Variants in BORA observed in about 807,000 individuals in gnomAD.
BORA encodes BORA aurora kinase A activator, also known as protein aurora borealis.
BORA carries 26 observed loss-of-function variants against 55.8 expected under a neutral mutation model. The ratio of observed to expected loss-of-function variants is 0.47; its 90% CI spans 0.34 to 0.65. The LOEUF (loss-of-function observed/expected upper bound fraction) is 0.65. BORA is among the 30% of genes least tolerant of loss of function. BORA has a pLI of 0.01. For missense variants in BORA, 568 were observed against 671.5 expected (o/e 0.85, Z 1.70); for synonymous variants, 201 against 216.9 (o/e 0.93, Z 0.64).
At chr13:72,738,667 A>G (rs2032980229) in intron 5 of BORA, among the ~76,000 whole-genome samples, 1 of 152,168 alleles carries the variant, frequency 6.6e-6, no homozygotes. Flanking sequence ...TACACTGTCT[A>G]TTGTAGTATA....
rs142621054 is a variant in BORA, at chr13:72,736,111, GCA to G, written c.306+1109_306+1110del. On this transcript the variant is annotated intron_variant, in intron 4 of 11. Coordinates refer to ENST00000390667, the MANE Select transcript of BORA (RefSeq NM_024808.5). ...CTACTTCTTCTTCTATCTAGTAACT[GCA>G]CAGTTTTCATTCTGACTCAGTCACT... 8.7e-3 allele frequency among the ~76,000 whole-genome samples: 1,327 copies of G among 151,888 alleles called. 13 individuals are homozygous for G. Among genetic ancestry groups the G allele is most frequent in the Non-Finnish European group, 0.014 (924 of 67,976 alleles).
intron 2 of BORA, among the ~76,000 whole-genome samples, chr13:72,729,834 G>A (rs1394369717): frequency 6.6e-6 from 1 of 152,140 alleles, no homozygotes; most frequent in Non-Finnish European, 1.5e-5. Flanking sequence ...CTATTTTAAT[G>A]TGTTAAACAG....
intron 6 of BORA, 57 bp from the exon 7 acceptor site, chr13:72,744,448 A>G: frequency 7.0e-7 from 1 of 1,421,752 alleles, no homozygotes. Context: ...TGTATAGTGT[A>G]TACTTTCATT....
chr13:72,756,180 A>ATTCAT lies in BORA; in HGVS notation c.*964_*965insTTCAT. On this transcript the variant is annotated 3_prime_UTR_variant, in exon 12 of 12. Transcript: ENST00000390667. ...AAACTGTCTCATTCAAAAGGGAATA[A>ATTCAT]AGACCTGTGTTATCAATGTGTCATT... The ATTCAT allele has an allele frequency of 5.5e-6, 2 of 366,076 alleles. No homozygotes were observed. The highest frequency in any genetic ancestry group is 9.7e-6 in the Non-Finnish European group (2 of 206,710). The allele number at this position is 366,076 out of a possible 1,614,324, so 22.7% of individuals were successfully genotyped here. A position where few individuals can be genotyped will look rare whatever the true frequency, so the allele number is the denominator to read the frequency against.
chr13:72,755,373 A>G lies in BORA; in HGVS notation c.*157A>G. On this transcript the variant is annotated 3_prime_UTR_variant, in exon 12 of 12. Coordinates refer to ENST00000390667, the MANE Select transcript of BORA (RefSeq NM_024808.5). ...AAAATCAAGGGCTTACTGACATAGGAACAACAGAAATGCTCCTGGAACTTC... is the reference window on the plus strand; with the variant it reads ...AAAATCAAGGGCTTACTGACATAGGGACAACAGAAATGCTCCTGGAACTTC... 12 of 561,692 alleles carry G rather than the reference A, an allele frequency of 2.1e-5. No homozygotes were observed. The highest frequency in any genetic ancestry group is 3.7e-5 in the Non-Finnish European group (12 of 322,650). 34.8% of individuals were successfully genotyped at this position (561,692 alleles called of 1,614,324 possible). A position where few individuals can be genotyped will look rare whatever the true frequency, so the allele number is the denominator to read the frequency against.
chr13:72,730,199 G>GT (rs1422916699), intron 2 of BORA, among the ~76,000 whole-genome samples: 5 of 152,098 alleles, frequency 3.3e-5, no homozygotes, highest in Non-Finnish European at 7.4e-5. Context: ...TAGGGTGGCT[G>GT]TTTCTGCTAC....
At chr13:72,742,776 ACACACACAC>A (rs2033061236) in intron 5 of BORA, among the ~76,000 whole-genome samples, 219 of 2,448 alleles carry the variant, frequency 0.089, 8 homozygotes, top group East Asian at 0.47. Flanking sequence ...ATACACACAC[ACACACACAC>A]ACACACACAC....
intron 10 of BORA, among the ~76,000 whole-genome samples, chr13:72,750,145 C>T (rs1394245126): frequency 6.6e-6 from 1 of 152,064 alleles, no homozygotes; most frequent in African/African-American, 2.4e-5. Flanking sequence ...GAAGTACAGC[C>T]CCTGAAGGAG....
intron 4 of BORA, among the ~76,000 whole-genome samples, chr13:72,736,621 T>G (rs927051546): frequency 3.3e-5 from 5 of 152,178 alleles, no homozygotes; most frequent in African/African-American, 1.2e-4. Context: ...AAATTGTGTT[T>G]ATTATTTTTC....
intron 10 of BORA, among the ~76,000 whole-genome samples, chr13:72,750,371 T>G (rs529507461): frequency 6.6e-6 from 1 of 152,200 alleles, no homozygotes; most frequent in Non-Finnish European, 1.5e-5. Context: ...TGAAATAACG[T>G]GTGTAGATAA....
At chr13:72,732,543 G>T (rs2032840489) in intron 3 of BORA, among the ~76,000 whole-genome samples, 1 of 152,022 alleles carries the variant, frequency 6.6e-6, no homozygotes, top group Non-Finnish European at 1.5e-5. Context: ...CGGGCATGGT[G>T]GTGCACACCT....
At chr13:72,734,509 TGTGAACTATCCTCATCTA>T (rs2032880543) in intron 3 of BORA, among the ~76,000 whole-genome samples, 1 of 152,238 alleles carries the variant, frequency 6.6e-6, no homozygotes, top group Non-Finnish European at 1.5e-5. Context: ...TGTTTAGAAC[TGTGAACTATCCTCATCTA>T]TTTTACAGTA....
At chr13:72,736,273 A>G (rs2032925588) in intron 4 of BORA, among the ~76,000 whole-genome samples, 2 of 152,104 alleles carry the variant, frequency 1.3e-5, no homozygotes, top group African/African-American at 2.4e-5. Context: ...TTTTCAATAT[A>G]TATTTTTGAA....
intron 3 of BORA, among the ~76,000 whole-genome samples, chr13:72,734,395 A>T (rs182183201): frequency 1.5e-3 from 226 of 152,298 alleles, no homozygotes; most frequent in Admixed American, 2.4e-3. Context: ...GTAGCTGAGA[A>T]GTTTATATAA....
At chr13:72,733,207 C>T (rs1400085547) in intron 3 of BORA, among the ~76,000 whole-genome samples, 1 of 152,182 alleles carries the variant, frequency 6.6e-6, no homozygotes, top group Non-Finnish European at 1.5e-5. Context: ...TTCAGTATCT[C>T]TTCTTACATA....
chr13:72,734,932 G>A (rs1282394822), intron 3 of BORA, 28 bp from the exon 4 acceptor site: 6 of 1,484,336 alleles, frequency 4.0e-6, no homozygotes, highest in Admixed American at 1.9e-5. Context: ...TAATAGCATG[G>A]TTATTTTTCT....
chr13:72,746,440 T>C (rs1443840494), intron 9 of BORA, 61 bp from the exon 10 acceptor site: 1 of 1,516,326 alleles, frequency 6.6e-7, no homozygotes, highest in Non-Finnish European at 8.9e-7. Flanking sequence ...TACCATTTAG[T>C]AGTGACTTTT....
chr13:72,744,964 C>G lies in BORA; in HGVS notation c.512-17C>G. On this transcript the variant is annotated splice_polypyrimidine_tract_variant and intron_variant, in intron 7 of 11. Transcript: ENST00000390667. The stretch of plus-strand genomic sequence containing the variant: ...TAAAATGACTAGCTTTGCCTTTTCT[C>G]CTATTATTAAATATAGGTGACTATT... 2.5e-6 allele frequency: 4 copies of G among 1,605,050 alleles called. No homozygotes were observed. The highest frequency in any genetic ancestry group is 3.4e-6 in the Non-Finnish European group (4 of 1,173,220).
chr13:72,752,806 A>G (rs2138110316), intron 10 of BORA: 1 of 152,228 alleles, frequency 6.6e-6, no homozygotes, highest in Non-Finnish European at 1.5e-5. Context: ...GCTAGTCTGT[A>G]CCTTTGTGAG....
Sources: gnomAD v4.1 joint callset for allele counts (sites outside exome capture counted in the v4.1 genomes callset) on GRCh38, gnomAD v4.1.1 for gene constraint, MANE v1.5 for transcripts, NCBI Gene and HGNC (gene_info 2026-07-23, HGNC 2026-07-21) for gene names.